Variants in MACROD2 observed in about 807,000 individuals in gnomAD.
MACROD2 encodes the protein ADP-ribose glycohydrolase MACROD2.
MACROD2 carries 36 observed loss-of-function variants against 70.4 expected under a neutral mutation model. The observed-to-expected ratio is 0.51, with a 90% confidence interval of 0.39 to 0.68. MACROD2 has a LOEUF of 0.68. Among genes scored for constraint, MACROD2 ranks in the 30% least tolerant of loss-of-function variants. The probability of loss-of-function intolerance (pLI) is 0.00; values close to 1 mark genes in which losing one functional copy is unlikely to be tolerated. For missense variants in MACROD2, 496 were observed against 538.4 expected (o/e 0.92, Z 0.78); for synonymous variants, 172 against 178.8 (o/e 0.96, Z 0.30).
intron 12 of MACROD2, among the ~76,000 whole-genome samples, chr20:15,942,530 T>C (rs1189730009): frequency 1.3e-5 from 2 of 152,216 alleles, no homozygotes; most frequent in African/African-American, 2.4e-5. Flanking sequence ...AAAAATACTC[T>C]GTTGATTTAA....
intron 3 of MACROD2, among the ~76,000 whole-genome samples, chr20:14,227,265 A>T (rs1601373082): frequency 6.6e-6 from 1 of 152,282 alleles, no homozygotes; most frequent in East Asian, 1.9e-4. Flanking sequence ...AGAGAATAAA[A>T]GCAGGCTGCC....
rs141644055 is a variant in MACROD2, at chr20:15,100,394, G to T, written c.419-129546G>T. On this transcript the variant is annotated intron_variant, in intron 5 of 17. Transcript: ENST00000684519. The stretch of plus-strand genomic sequence containing the variant: ...TTAAAATACATATCAGTATCTAATA[G>T]TGTCCCAAGAGTTTGAAGGATTCTT... Among the ~76,000 whole-genome samples, 59 of 152,292 alleles carry T rather than the reference G, an allele frequency of 3.9e-4. No homozygotes were observed. The East Asian group carries it at 0.011, about 29-fold the overall frequency.
At chr20:14,961,385 C>G (rs2074582025) in intron 5 of MACROD2, among the ~76,000 whole-genome samples, 2 of 152,114 alleles carry the variant, frequency 1.3e-5, no homozygotes, top group Non-Finnish European at 2.9e-5. Flanking sequence ...TAGGCAGAAT[C>G]AAAATAGAAC....
intron 3 of MACROD2, among the ~76,000 whole-genome samples, chr20:14,259,351 T>G (rs1336532749): frequency 6.6e-6 from 1 of 152,222 alleles, no homozygotes; most frequent in African/African-American, 2.4e-5. Context: ...AAATAGTTCT[T>G]TCCTTTTAAA....
In MACROD2 at chr20:15,828,720, A is replaced by G. The variant is rs16996632; in HGVS notation, c.646-34025A>G. Among the ~76,000 whole-genome samples the G allele has an allele frequency of 5.4e-4, 83 of 152,348 alleles. 2 individuals are homozygous for G. In the East Asian group the frequency reaches 0.015, roughly 28 times the overall value. The stretch of plus-strand genomic sequence containing the variant: ...TGTGTTTTCTGGTTTTCGTCATTAC[A>G]TGTTAAGTTTTTGAACACTAGTGGT... On this transcript the variant is annotated intron_variant, in intron 8 of 17. Coordinates refer to ENST00000684519, the MANE Select transcript of MACROD2 (RefSeq NM_001351661.2).
intron 12 of MACROD2, among the ~76,000 whole-genome samples, chr20:15,941,561 G>A (rs1050837279): frequency 1.6e-4 from 25 of 152,126 alleles, no homozygotes; most frequent in African/African-American, 4.6e-4. Context: ...AGTCATATGC[G>A]TGGAGGATTC....
intron 5 of MACROD2, among the ~76,000 whole-genome samples, chr20:15,003,203 T>G (rs1275230283): frequency 6.6e-6 from 1 of 152,192 alleles, no homozygotes; most frequent in Admixed American, 6.5e-5. Flanking sequence ...AAGGGCTGTT[T>G]TTGGCATAAT....
chr20:15,262,423 C>T (rs1442661479), intron 6 of MACROD2, among the ~76,000 whole-genome samples: 1 of 151,876 alleles, frequency 6.6e-6, no homozygotes. Flanking sequence ...GTATATGTAC[C>T]ATGTTTTATT....
intron 5 of MACROD2, among the ~76,000 whole-genome samples, chr20:14,886,819 C>T (rs944499166): frequency 1.3e-5 from 2 of 151,984 alleles, no homozygotes; most frequent in Admixed American, 6.6e-5. Flanking sequence ...GAAGTAAGAA[C>T]AGAAAGTGAC....
intron 5 of MACROD2, among the ~76,000 whole-genome samples, chr20:14,761,687 C>G (rs2072017727): frequency 6.6e-6 from 1 of 152,066 alleles, no homozygotes; most frequent in Admixed American, 6.5e-5. Flanking sequence ...TTTTCTCTGA[C>G]TGCTTTTTTA....
intron 8 of MACROD2, among the ~76,000 whole-genome samples, chr20:15,676,336 A>C (rs1055874812): frequency 6.6e-6 from 1 of 152,240 alleles, no homozygotes; most frequent in Non-Finnish European, 1.5e-5. Context: ...GTCAATTTAG[A>C]CAGGCAATGC....
In MACROD2 at chr20:15,461,840, C is replaced by A. The variant is rs147680134; in HGVS notation, c.571+30405C>A. Among the ~76,000 whole-genome samples, 268 of 152,212 alleles carry A rather than the reference C, an allele frequency of 1.8e-3. 3 individuals carry two copies. Among genetic ancestry groups the A allele is most frequent in the Non-Finnish European group, 1.9e-3 (131 of 68,018 alleles). ...CAAACTGAGGATTCTTCCCGAATTGCTATACATTTTGTTTATGCATTCAAG... is the reference window on the plus strand; with the variant it reads ...CAAACTGAGGATTCTTCCCGAATTGATATACATTTTGTTTATGCATTCAAG... On this transcript the variant is annotated intron_variant, in intron 7 of 17. Coordinates refer to ENST00000684519, the MANE Select transcript of MACROD2 (RefSeq NM_001351661.2).
intron 5 of MACROD2, among the ~76,000 whole-genome samples, chr20:14,784,348 T>C (rs1040027683): frequency 6.6e-6 from 1 of 152,156 alleles, no homozygotes; most frequent in Admixed American, 6.5e-5. Context: ...AAAATGTGTT[T>C]TTACCTTGTA....
intron 12 of MACROD2, among the ~76,000 whole-genome samples, chr20:15,950,965 T>C (rs982081389): frequency 2.0e-5 from 3 of 152,152 alleles, no homozygotes; most frequent in Admixed American, 6.6e-5. Flanking sequence ...TAGAACTTTC[T>C]AAAAGTCATA....
Position 14,756,806 on chromosome 20 carries a change from C to T in MACROD2, c.418+71847C>T, listed in dbSNP as rs117015216. Among the ~76,000 whole-genome samples, 1,469 of 152,238 alleles carry T rather than the reference C, an allele frequency of 9.6e-3. 15 individuals are homozygous for T. The highest frequency in any genetic ancestry group is 0.015 in the Non-Finnish European group (1,053 of 68,018). On this transcript the variant is annotated intron_variant, in intron 5 of 17. Transcript: ENST00000684519. ...ATCACCTTAAATTGTAATAATCCCA[C>T]GTGTCAACGGTGGGACCAGGTGGAG... is the stretch of plus-strand genomic sequence containing the variant.
At chr20:14,853,801 C>G (rs1383268006) in intron 5 of MACROD2, among the ~76,000 whole-genome samples, 3 of 151,892 alleles carry the variant, frequency 2.0e-5, no homozygotes, top group Admixed American at 2.0e-4. Flanking sequence ...GAAATATACA[C>G]AAACTTTTTT....
chr20:14,226,619 C>A (rs1175127754), intron 3 of MACROD2, among the ~76,000 whole-genome samples: 1 of 152,216 alleles, frequency 6.6e-6, no homozygotes, highest in Non-Finnish European at 1.5e-5. Flanking sequence ...GCCGGCCCTG[C>A]CAGCCCGGGC....
chr20:15,558,510 G>A (rs2048198705), intron 8 of MACROD2, among the ~76,000 whole-genome samples: 2 of 152,216 alleles, frequency 1.3e-5, no homozygotes, highest in Admixed American at 1.3e-4. Context: ...TAAAACACTT[G>A]CCAAAGGTGC....
chr20:14,742,353 C>T (rs577963549), intron 5 of MACROD2, among the ~76,000 whole-genome samples: 212 of 151,998 alleles, frequency 1.4e-3, no homozygotes, highest in African/African-American at 4.7e-3. Flanking sequence ...TTAAAAACTA[C>T]AGAAATATGG....
Sources: gnomAD v4.1 joint callset for allele counts (sites outside exome capture counted in the v4.1 genomes callset) on GRCh38, gnomAD v4.1.1 for gene constraint, MANE v1.5 for transcripts, NCBI Gene and HGNC (gene_info 2026-07-23, HGNC 2026-07-21) for gene names.